ZMYM2: variants seen among roughly 807,000 people sequenced by gnomAD.
The protein encoded by ZMYM2 is zinc finger MYM-type protein 2.
ZMYM2 carries 56 observed loss-of-function variants against 162.8 expected under a neutral mutation model. The ratio of observed to expected loss-of-function variants is 0.34; its 90% CI spans 0.28 to 0.43. The LOEUF (loss-of-function observed/expected upper bound fraction) is 0.43, where lower values mean the gene tolerates loss of function less well. Ranked by LOEUF, ZMYM2 falls within the 20% of genes least tolerant of loss-of-function variation. The pLI, the probability that ZMYM2 is intolerant of heterozygous loss-of-function variation, is 1.00. For missense variants in ZMYM2, 1,275 were observed against 1,621.8 expected, an observed-to-expected ratio of 0.79 and a Z score of 3.67; for synonymous variants, 510 against 541.6, an observed-to-expected ratio of 0.94 and a Z score of 0.81.
intron 3 of ZMYM2, among the ~76,000 whole-genome samples, chr13:20,000,649 G>T (rs928743210): frequency 3.3e-5 from 5 of 152,332 alleles, no homozygotes; most frequent in Middle Eastern, 3.4e-3. Context: ...GAGACCTTTT[G>T]TTCAGCAGAA....
chr13:20,054,247 C>G (rs914322258), intron 14 of ZMYM2, among the ~76,000 whole-genome samples: 1 of 152,180 alleles, frequency 6.6e-6, no homozygotes, highest in South Asian at 2.1e-4. Context: ...TTTGTAAAAT[C>G]AAGATGAATA....
At chr13:19,914,101 C>A in the ZMYM2 span, among the ~76,000 whole-genome samples, 3 of 152,104 alleles carry the variant, frequency 2.0e-5, no homozygotes, top group Non-Finnish European at 2.9e-5. Context: ...TGGGCCGTGG[C>A]CAGTGGTTTG....
chr13:20,057,702 A>G (rs1005768598), intron 14 of ZMYM2, among the ~76,000 whole-genome samples: 2 of 152,248 alleles, frequency 1.3e-5, no homozygotes, highest in Non-Finnish European at 2.9e-5. Context: ...TTATTAAAAA[A>G]TACTGTATGA....
chr13:19,884,709 C>G, the ZMYM2 span, among the ~76,000 whole-genome samples: 8 of 152,118 alleles, frequency 5.3e-5, no homozygotes, highest in Non-Finnish European at 8.8e-5. Flanking sequence ...GCGGCGGATT[C>G]CTGGTCCAGA....
At chr13:20,076,339 ATCT>A (rs1390628455) in intron 21 of ZMYM2, among the ~76,000 whole-genome samples, 1 of 150,556 alleles carries the variant, frequency 6.6e-6, no homozygotes, top group Non-Finnish European at 1.5e-5. Flanking sequence ...CCCCACACAA[ATCT>A]TCTATAATTA....
rs1320377278 is a variant in ZMYM2, at chr13:20,002,903, G to A, written c.901G>A (p.Val301Met). ...TCCCCGTAATCAGAAACAACCAGGG[G>A]TGGACTCTTTATCACCAGTGGCCTC... ...SFPRNQKQPG[V>M]DSLSPVASLP... The change falls in exon 4 of 25, where the codon GTG becomes ATG. Residue 301 changes from valine (V) to methionine (M), a missense_variant. Coordinates refer to ENST00000610343, the MANE Select transcript of ZMYM2 (RefSeq NM_197968.4). 1.9e-6 allele frequency: 3 copies of A among 1,614,008 alleles called. No homozygotes were observed. The highest frequency in any genetic ancestry group is 2.5e-6 in the Non-Finnish European group (3 of 1,180,026).
chr13:19,962,707 A>G (rs1955379312), intron 2 of ZMYM2, among the ~76,000 whole-genome samples: 1 of 150,982 alleles, frequency 6.6e-6, no homozygotes, highest in Non-Finnish European at 1.5e-5. Flanking sequence ...TATTTTTAGT[A>G]GAAACAGGAT....
intron 6 of ZMYM2, among the ~76,000 whole-genome samples, chr13:20,018,301 A>G (rs1002835940): frequency 6.6e-6 from 1 of 152,204 alleles, no homozygotes; most frequent in African/African-American, 2.4e-5. Context: ...CATGTTTTGT[A>G]ATTACATACT....
At chr13:20,012,029 C>T (rs1287511672) in intron 6 of ZMYM2, among the ~76,000 whole-genome samples, 7 of 152,038 alleles carry the variant, frequency 4.6e-5, no homozygotes, top group African/African-American at 1.2e-4. Context: ...GGATTACAGG[C>T]GTGAGCCACA....
At chr13:20,081,932 TAAG>T (rs1407758344) in intron 21 of ZMYM2, 81 bp from the exon 22 acceptor site, 4 of 797,904 alleles carry the variant, frequency 5.0e-6, no homozygotes, top group Non-Finnish European at 5.7e-6. Flanking sequence ...ATTTTTTTCT[TAAG>T]AAATACGGAG....
the ZMYM2 span, among the ~76,000 whole-genome samples, chr13:19,879,338 G>A: frequency 5.3e-5 from 8 of 152,186 alleles, no homozygotes; most frequent in African/African-American, 1.9e-4. Flanking sequence ...CACTTTTGGA[G>A]GCTGAGGTGG....
At chr13:20,002,809 C>T (rs1375212501) in intron 3 of ZMYM2, 41 bp from the exon 4 acceptor site, 2 of 1,591,512 alleles carry the variant, frequency 1.3e-6, no homozygotes, top group African/African-American at 1.4e-5. Context: ...TATAAACAAA[C>T]ACTTGTTTCA....
chr13:19,987,111 CAAAA>C (rs58588019), intron 2 of ZMYM2, among the ~76,000 whole-genome samples: 1 of 40,962 alleles, frequency 2.4e-5, no homozygotes, highest in Middle Eastern at 0.018. Context: ...GGCTCCGTCT[CAAAA>C]AAAAAAAAAA....
chr13:20,012,418 G>T (rs1179617898), intron 6 of ZMYM2, among the ~76,000 whole-genome samples: 2 of 152,120 alleles, frequency 1.3e-5, no homozygotes, highest in Non-Finnish European at 2.9e-5. Flanking sequence ...GACTTCAAGT[G>T]ATCTGTCCTT....
intron 6 of ZMYM2, among the ~76,000 whole-genome samples, chr13:20,007,515 A>C (rs960090412): frequency 1.3e-5 from 2 of 152,120 alleles, no homozygotes; most frequent in Admixed American, 1.3e-4. Context: ...GTGTGATTTC[A>C]ATCTTCATAA....
At chr13:19,867,236 C>T in the ZMYM2 span, among the ~76,000 whole-genome samples, 1 of 152,074 alleles carries the variant, frequency 6.6e-6, no homozygotes, top group African/African-American at 2.4e-5. Flanking sequence ...GCCTGTAATC[C>T]CAGCTACTTG....
the ZMYM2 span, among the ~76,000 whole-genome samples, chr13:19,875,282 G>GA: frequency 7.9e-4 from 117 of 148,670 alleles, no homozygotes; most frequent in African/African-American, 2.2e-3. Context: ...GCACATTACT[G>GA]AAAAAAAAAA....
At chr13:19,998,698 A>G (rs1419697746) in intron 3 of ZMYM2, among the ~76,000 whole-genome samples, 2 of 152,176 alleles carry the variant, frequency 1.3e-5, no homozygotes, top group East Asian at 1.9e-4. Context: ...TGTTTCTCCA[A>G]CTAAGGGGTA....
At chr13:19,965,089 A>T (rs9578239) in intron 2 of ZMYM2, 27,135 of 362,068 alleles carry the variant, frequency 0.075, 1,317 homozygotes, top group African/African-American at 0.25. Flanking sequence ...AGTATAATAA[A>T]AAAAAAAAAA....
Sources: allele counts gnomAD v4.1 joint callset (sites outside exome capture counted in the v4.1 genomes callset), GRCh38; gene constraint gnomAD v4.1.1; transcripts MANE v1.5; gene names NCBI Gene and HGNC (gene_info 2026-07-23, HGNC 2026-07-21).